STK32B: variants seen among roughly 807,000 people sequenced by gnomAD.
STK32B encodes the protein serine/threonine-protein kinase 32B.
In STK32B, 43 loss-of-function variants were observed where a neutral mutation model predicts 52.6. The observed-to-expected ratio is 0.82, with a 90% CI of 0.64 to 1.05. The LOEUF (loss-of-function observed/expected upper bound fraction) is 1.05, where lower values mean the gene tolerates loss of function less well. Among genes scored for constraint, STK32B ranks in the 50% least tolerant of loss-of-function variants. STK32B has a pLI of 0.00. For missense variants in STK32B, 621 were observed against 534.6 expected, an observed-to-expected ratio of 1.16 and a Z score of -1.59; for synonymous variants, 238 against 204.3, an observed-to-expected ratio of 1.17 and a Z score of -1.41.
intron 1 of STK32B, among the ~76,000 whole-genome samples, chr4:5,056,709 G>T (rs1742020304): frequency 6.6e-6 from 1 of 152,186 alleles, no homozygotes; most frequent in African/African-American, 2.4e-5. Flanking sequence ...TGAGTCTTGG[G>T]TATTCTTGAA....
In STK32B at chr4:5,389,727, G is replaced by GC. The variant is rs147736631; in HGVS notation, c.435-8472dup. Among the ~76,000 whole-genome samples the GC allele has an allele frequency of 6.0e-3, 912 of 151,718 alleles. 4 individuals are homozygous for GC. Among genetic ancestry groups the GC allele is most frequent in the Middle Eastern group, 0.02 (6 of 294 alleles). On this transcript the variant is annotated intron_variant, in intron 4 of 11. Coordinates refer to ENST00000282908, the MANE Select transcript of STK32B (RefSeq NM_018401.3). Reference sequence around the variant, plus strand: ...AAGGGCTGTGCAATAGACTGAAAATGCCCCCCCCAAAGATGCCACATCCTA... The same window carrying GC: ...AAGGGCTGTGCAATAGACTGAAAATGCCCCCCCCCAAAGATGCCACATCCTA...
At chr4:5,369,350 C>T (rs193166196) in intron 4 of STK32B, among the ~76,000 whole-genome samples, 53 of 152,108 alleles carry the variant, frequency 3.5e-4, no homozygotes, top group African/African-American at 1.2e-3. Flanking sequence ...TAAATTTCTT[C>T]CTTTAGTTAA....
At chr4:5,288,485 A>G (rs997757467) in intron 3 of STK32B, among the ~76,000 whole-genome samples, 1 of 152,202 alleles carries the variant, frequency 6.6e-6, no homozygotes, top group East Asian at 1.9e-4. Flanking sequence ...CCTGATGATT[A>G]ATGATGTTGA....
the STK32B span, among the ~76,000 whole-genome samples, chr4:5,046,185 A>G: frequency 1.3e-5 from 2 of 152,200 alleles, no homozygotes; most frequent in African/African-American, 4.8e-5. Context: ...TCAGTGGAAC[A>G]GAAGAAAGAC....
At chr4:5,158,962 C>T (rs1287006692) in intron 2 of STK32B, among the ~76,000 whole-genome samples, 1 of 152,218 alleles carries the variant, frequency 6.6e-6, no homozygotes, top group African/African-American at 2.4e-5. Flanking sequence ...GGCACCAACC[C>T]TTTAAACATG....
At chr4:5,231,939 A>C (rs1191052097) in intron 3 of STK32B, among the ~76,000 whole-genome samples, 1 of 152,210 alleles carries the variant, frequency 6.6e-6, no homozygotes. Flanking sequence ...ACAAAGATAC[A>C]CAGAAGAAAG....
At chr4:5,487,377 G>A (rs939553688) in intron 11 of STK32B, among the ~76,000 whole-genome samples, 2 of 152,186 alleles carry the variant, frequency 1.3e-5, no homozygotes, top group Admixed American at 1.3e-4. Context: ...TGGAGAGGCA[G>A]TAAGAGCAAA....
chr4:5,493,517 T>A lies in STK32B; in HGVS notation c.1107-5428T>A, dbSNP rs543858122. 2.9e-4 allele frequency among the ~76,000 whole-genome samples: 44 copies of A among 152,334 alleles called. 1 individual carries two copies. The Middle Eastern group carries it at 0.014, about 47-fold the overall frequency. The stretch of plus-strand genomic sequence containing the variant: ...GCAGTCTATCAATTTTGTTGATCCT[T>A]TCAAAAAACCAGCTCCTGGATTCAT... On this transcript the variant is annotated intron_variant, in intron 11 of 11. Transcript: ENST00000282908.
At chr4:5,275,163 C>T (rs1364844661) in intron 3 of STK32B, among the ~76,000 whole-genome samples, 1 of 152,138 alleles carries the variant, frequency 6.6e-6, no homozygotes, top group African/African-American at 2.4e-5. Flanking sequence ...GGCCTGCCAC[C>T]ATCTTGGGAG....
intron 1 of STK32B, among the ~76,000 whole-genome samples, chr4:5,138,052 A>T (rs1287365191): frequency 6.6e-6 from 1 of 152,186 alleles, no homozygotes; most frequent in Non-Finnish European, 1.5e-5. Context: ...AACAAGCTGC[A>T]GTCCAAGCTC....
chr4:5,439,021 G>A (rs998908807), intron 6 of STK32B, among the ~76,000 whole-genome samples: 61 of 151,510 alleles, frequency 4.0e-4, no homozygotes, highest in Admixed American at 1.1e-3. Context: ...ATTTGGGTTG[G>A]TTCCAAGTCT....
chr4:5,044,111 A>G, the STK32B span, among the ~76,000 whole-genome samples: 8 of 152,260 alleles, frequency 5.3e-5, no homozygotes, highest in African/African-American at 1.9e-4. Flanking sequence ...TTCCTTCGCC[A>G]AAGGCAGTTG....
chr4:5,121,298 T>G (rs749413576), intron 1 of STK32B, among the ~76,000 whole-genome samples: 10 of 152,344 alleles, frequency 6.6e-5, no homozygotes, highest in Middle Eastern at 6.8e-3. Flanking sequence ...ATATACCACA[T>G]TTTCTTTATT....
chr4:5,354,127 C>T (rs1280536692), intron 4 of STK32B, among the ~76,000 whole-genome samples: 2 of 152,120 alleles, frequency 1.3e-5, no homozygotes, highest in Non-Finnish European at 2.9e-5. Context: ...TGAAATAAGC[C>T]AGACACACAA....
At chr4:5,305,585 T>G (rs1002036325) in intron 3 of STK32B, among the ~76,000 whole-genome samples, 1 of 152,130 alleles carries the variant, frequency 6.6e-6, no homozygotes, top group Non-Finnish European at 1.5e-5. Context: ...TATTTGGATC[T>G]CTTTTCTTTT....
At chr4:5,088,168 A>G (rs1277803648) in intron 1 of STK32B, among the ~76,000 whole-genome samples, 4 of 152,154 alleles carry the variant, frequency 2.6e-5, no homozygotes, top group Non-Finnish European at 5.9e-5. Context: ...ATATGTGGAA[A>G]TTAAACAGCA....
At chr4:5,310,026 C>T (rs553471235) in intron 3 of STK32B, among the ~76,000 whole-genome samples, 11 of 152,068 alleles carry the variant, frequency 7.2e-5, no homozygotes, top group African/African-American at 1.7e-4. Flanking sequence ...ATTAGCCGGG[C>T]GTGGTGGCAA....
At chr4:5,495,794 A>G (rs1211977569) in intron 11 of STK32B, among the ~76,000 whole-genome samples, 4 of 152,228 alleles carry the variant, frequency 2.6e-5, no homozygotes, top group African/African-American at 9.6e-5. Flanking sequence ...TCCTTCTAAC[A>G]GACAGGACCC....
At chr4:5,330,015 T>C (rs762734349) in intron 3 of STK32B, among the ~76,000 whole-genome samples, 1 of 152,126 alleles carries the variant, frequency 6.6e-6, no homozygotes, top group Non-Finnish European at 1.5e-5. Flanking sequence ...GTGGGTGCAT[T>C]ACAGCAACAT....
Sources: gnomAD v4.1 joint callset for allele counts (sites outside exome capture counted in the v4.1 genomes callset) on GRCh38, gnomAD v4.1.1 for gene constraint, MANE v1.5 for transcripts, NCBI Gene and HGNC (gene_info 2026-07-23, HGNC 2026-07-21) for gene names.